EXO1: variants seen among roughly 807,000 people sequenced by gnomAD.
EXO1 encodes the protein exonuclease 1.
In EXO1, 69 loss-of-function variants were observed where a neutral mutation model predicts 84.5. The observed-to-expected ratio is 0.82, with a 90% CI of 0.67 to 1.00. EXO1 has a LOEUF of 1.00. Among genes scored for constraint, EXO1 ranks in the 50% least tolerant of loss-of-function variants. The probability of loss-of-function intolerance (pLI) is 0.00; values close to 1 mark genes in which losing one functional copy is unlikely to be tolerated. For missense variants in EXO1, 1,045 were observed against 1,000.7 expected (o/e 1.04, Z -0.60); for synonymous variants, 373 against 366.1 (o/e 1.02, Z -0.21).
Position 241,867,021 on chromosome 1 carries a change from A to G in EXO1, c.1233A>G (p.Pro411=), listed in dbSNP as rs756704351. The G allele has an allele frequency of 2.5e-6, 4 of 1,613,936 alleles. No homozygotes were observed. The Admixed American group carries it at 6.7e-5, about 27-fold the overall frequency. Residue 411 remains proline, a synonymous_variant, in exon 11 of 16, where the codon CCA becomes CCG. Coordinates refer to ENST00000366548, the MANE Select transcript of EXO1 (RefSeq NM_130398.4). ...RVISTKGLNL[P]RKSSIVKRPR... is the part of the protein sequence containing the mutation. ...TTAGTACTAAAGGGTTAAATCTCCC[A>G]AGGAAATCATCCATTGTGAAAAGAC... is the stretch of plus-strand genomic sequence containing the variant.
Position 241,855,184 on chromosome 1 carries a change from A to T in EXO1, c.405+1703A>T, listed in dbSNP as rs372057359. ...TATTCTCTTATCTGGCCCCACCCACATCCTGCTGATTGGTAGAACCGAGTG... is the reference window on the plus strand; with the variant it reads ...TATTCTCTTATCTGGCCCCACCCACTTCCTGCTGATTGGTAGAACCGAGTG... On this transcript the variant is annotated intron_variant, in intron 6 of 15. Transcript: ENST00000366548. Among the ~76,000 whole-genome samples the T allele has an allele frequency of 1.4e-4, 22 of 152,306 alleles. No individual in the cohort carries two copies. The East Asian group carries it at 3.1e-3, about 21-fold the overall frequency.
chr1:241,850,048 G>A (rs1660567924), intron 3 of EXO1, among the ~76,000 whole-genome samples: 1 of 152,206 alleles, frequency 6.6e-6, no homozygotes, highest in African/African-American at 2.4e-5. Flanking sequence ...TTGGGAGGCC[G>A]AGGCGGGCGG....
rs540626045 is a variant in EXO1 at position 241,856,098 on chromosome 1, G to A, written c.406-1247G>A. On this transcript the variant is annotated intron_variant, in intron 6 of 15. Transcript: ENST00000366548. ...CCCAGGCAGAGGAGGCGCCGAGAGC[G>A]AGGGAGGGCTATGAGTACTGCCAGC... Among the ~76,000 whole-genome samples, 5 of 152,350 alleles carry A rather than the reference G, an allele frequency of 3.3e-5. No homozygotes were observed. The South Asian group carries it at 1.0e-3, about 32-fold the overall frequency.
intron 9 of EXO1, 54 bp downstream of exon 9, chr1:241,860,758 T>C (rs935067981): frequency 2.7e-5 from 40 of 1,459,978 alleles, no homozygotes; most frequent in Non-Finnish European, 3.7e-5. Flanking sequence ...TCAATATTTT[T>C]ATGGTGATTT....
chr1:241,860,565 G>C lies in EXO1; in HGVS notation c.805G>C (p.Glu269Gln), dbSNP rs775632538. 1 of 1,614,032 alleles carries C rather than the reference G, an allele frequency of 6.2e-7. No homozygotes were observed. The highest frequency in any genetic ancestry group is 1.1e-5 in the South Asian group (1 of 91,080). The change falls in exon 9 of 16, where the codon GAG becomes CAG. Residue 269 changes from glutamate to glutamine, a missense_variant. Transcript: ENST00000366548. ...HYLKMNITVP[E>Q]DYINGFIRAN... The stretch of plus-strand genomic sequence containing the variant: ...TCTCAAGATGAATATCACGGTACCA[G>C]AGGATTACATCAACGGGTTTATTCG...
chr1:241,850,153 C>T (rs940354339), intron 3 of EXO1, among the ~76,000 whole-genome samples: 1 of 152,002 alleles, frequency 6.6e-6, no homozygotes, highest in East Asian at 1.9e-4. Flanking sequence ...CGGTGGCGGG[C>T]GCCTGTAGTC....
chr1:241,850,675 C>T (rs1184889795), intron 4 of EXO1, 89 bp downstream of exon 4: 1 of 1,050,482 alleles, frequency 9.5e-7, no homozygotes, highest in Admixed American at 1.7e-5. Flanking sequence ...ATTGTTTTCA[C>T]TCAATGCCAG....
rs1336880422 is a variant in EXO1, at chr1:241,849,218, T to TA, written c.-18+5dup. On this transcript the variant is annotated splice_region_variant and intron_variant, in intron 3 of 15. Coordinates refer to ENST00000366548, the MANE Select transcript of EXO1 (RefSeq NM_130398.4). ...GAGCTCTGATAAGGTGTCAACAGGG[T>TA]AAAGCTGCCTCCTGATCCTGTACTT... is the stretch of plus-strand genomic sequence containing the variant. The TA allele has an allele frequency of 1.3e-5, 2 of 152,260 alleles. No homozygotes were observed. Among genetic ancestry groups the TA allele is most frequent in the Non-Finnish European group, 2.9e-5 (2 of 68,070 alleles). The allele number at this position is 152,260 out of a possible 1,614,324, so 9.4% of individuals were successfully genotyped here.
At chr1:241,874,969 T>A (rs1351522441) in intron 12 of EXO1, among the ~76,000 whole-genome samples, 1 of 152,172 alleles carries the variant, frequency 6.6e-6, no homozygotes, top group Non-Finnish European at 1.5e-5. Flanking sequence ...AGACTTCGAA[T>A]GAATAGTCTT....
intron 13 of EXO1, among the ~76,000 whole-genome samples, chr1:241,880,805 C>T (rs1662708859): frequency 6.6e-6 from 1 of 152,098 alleles, no homozygotes; most frequent in African/African-American, 2.4e-5. Flanking sequence ...AGCCTTCTGT[C>T]GGTAGTTCAC....
chr1:241,886,695 T>C (rs2148546014), intron 15 of EXO1, among the ~76,000 whole-genome samples: 1 of 152,314 alleles, frequency 6.6e-6, no homozygotes, highest in African/African-American at 2.4e-5. Flanking sequence ...TGTCAACACT[T>C]AACCATCATA....
chr1:241,872,331 G>A, intron 12 of EXO1, 53 bp downstream of exon 12: 2 of 1,582,416 alleles, frequency 1.3e-6, no homozygotes, highest in African/African-American at 1.3e-5. Context: ...GTACTCTGTT[G>A]GTATTTATTT....
intron 11 of EXO1, 103 bp from the exon 12 acceptor site, chr1:241,871,929 T>TTA: frequency 7.9e-6 from 6 of 759,264 alleles, no homozygotes; most frequent in Non-Finnish European, 8.5e-6. Context: ...TTTTTTTTTT[T>TTA]AAAGTCCTTA....
chr1:241,848,842 T>A lies in EXO1; in HGVS notation c.-308T>A, dbSNP rs1438176979. On this transcript the variant is annotated 5_prime_UTR_variant, in exon 2 of 16. It removes an upstream start codon present in the reference 5' UTR. Transcript: ENST00000366548. The surrounding 1 kb of genome is among the most constrained non-coding windows in gnomAD (Gnocchi z 4.2). ...TGTTATTGTTACCTCGAGTGCCACA[T>A]GCGACCTCTGAGATATGTACACAGT... is the stretch of plus-strand genomic sequence containing the variant. 1 of 152,172 alleles carries A rather than the reference T, an allele frequency of 6.6e-6. No homozygotes were observed. The highest frequency in any genetic ancestry group is 1.5e-5 in the Non-Finnish European group (1 of 68,038). 9.4% of individuals were successfully genotyped at this position (152,172 alleles called of 1,614,324 possible). A position where few individuals can be genotyped will look rare whatever the true frequency, so the allele number is the denominator to read the frequency against.
At chr1:241,865,195 A>ATATT (rs1491331757) in intron 10 of EXO1, among the ~76,000 whole-genome samples, 25 of 120,440 alleles carry the variant, frequency 2.1e-4, no homozygotes, top group African/African-American at 8.1e-4. Flanking sequence ...ATATATATAT[A>ATATT]TTTTTTGACT....
intron 11 of EXO1, among the ~76,000 whole-genome samples, chr1:241,868,374 C>CA (rs10591886): frequency 0.056 from 6,346 of 114,126 alleles, 306 homozygotes; most frequent in African/African-American, 0.15. Flanking sequence ...GAATCCATCT[C>CA]AAAAAAAAAA....
Position 241,857,450 on chromosome 1 carries a change from G to C in EXO1, c.511G>C (p.Asp171His). ...AATTGTGCAAGCCATAATTACAGAG[G>C]ACTCGGATCTCCTAGCTTTTGGCTG... ...AGIVQAIITE[D>H]SDLLAFGCKK... Residue 171 changes from aspartate to histidine, a missense_variant, in exon 7 of 16, where the codon GAC becomes CAC. Transcript: ENST00000366548. 1 of 1,613,908 alleles carries C rather than the reference G, an allele frequency of 6.2e-7. No individual in the cohort carries two copies. Among genetic ancestry groups the C allele is most frequent in the Non-Finnish European group, 8.5e-7 (1 of 1,179,946 alleles).
chr1:241,857,732 A>C (rs994267298), intron 7 of EXO1, among the ~76,000 whole-genome samples: 7 of 152,038 alleles, frequency 4.6e-5, no homozygotes, highest in African/African-American at 1.7e-4. Flanking sequence ...TGTAATGTGG[A>C]TACTTTTTCA....
At chr1:241,855,569 G>A (rs1057223432) in intron 6 of EXO1, among the ~76,000 whole-genome samples, 4 of 152,212 alleles carry the variant, frequency 2.6e-5, no homozygotes, top group Admixed American at 2.0e-4. Flanking sequence ...TCAGTCCTGC[G>A]CCGTCTGCCC....
Sources: gnomAD v4.1 joint callset for allele counts (sites outside exome capture counted in the v4.1 genomes callset) on GRCh38, gnomAD v4.1.1 for gene constraint, Gnocchi (gnomAD v3.1) non-coding constraint, MANE v1.5 for transcripts, NCBI Gene and HGNC (gene_info 2026-07-23, HGNC 2026-07-21) for gene names.